CDH22: variants seen among roughly 807,000 people sequenced by gnomAD.
CDH22 encodes cadherin-22.
CDH22 carries 30 observed loss-of-function variants against 58.4 expected under a neutral mutation model. That is an observed-to-expected ratio of 0.51 (90% CI 0.38 to 0.70). CDH22 has a LOEUF of 0.70. Among genes scored for constraint, CDH22 ranks in the 30% least tolerant of loss-of-function variants. CDH22 has a pLI of 0.00. For synonymous variants in CDH22, 513 were observed against 558.2 expected (o/e 0.92, Z 1.14); for missense variants, 1,014 against 1,233.9 (o/e 0.82, Z 2.67).
At chr20:46,236,649 A>C (rs971763791) in intron 3 of CDH22, among the ~76,000 whole-genome samples, 2 of 135,824 alleles carry the variant, frequency 1.5e-5, no homozygotes, top group African/African-American at 5.5e-5. Context: ...TTATATATTA[A>C]TATCTATCTA....
Position 46,278,190 on chromosome 20 carries a change from C to T in CDH22, c.-399-26497G>A, listed in dbSNP as rs117421334. On this transcript the variant is annotated intron_variant, in intron 1 of 11. Transcript: ENST00000537909. ...TAGGCACTCCCTCTGGGGGACCACC[C>T]TCCAGTTCTACACTTCTGGGGGCAG... Among the ~76,000 whole-genome samples the T allele has an allele frequency of 8.5e-3, 1,283 of 150,598 alleles. 18 individuals carry two copies. Among genetic ancestry groups the T allele is most frequent in the Admixed American group, 0.025 (377 of 15,216 alleles).
intron 1 of CDH22, among the ~76,000 whole-genome samples, chr20:46,281,180 G>A (rs1208099387): frequency 6.6e-6 from 1 of 152,194 alleles, no homozygotes; most frequent in Admixed American, 6.5e-5. Flanking sequence ...ACTTCTGAAA[G>A]AACATGTTGT....
chr20:46,217,257 G>A (rs2086092918), intron 4 of CDH22, among the ~76,000 whole-genome samples: 2 of 151,912 alleles, frequency 1.3e-5, no homozygotes, highest in African/African-American at 2.4e-5. Context: ...CGGTCACACA[G>A]ATAGACTCAC....
intron 4 of CDH22, among the ~76,000 whole-genome samples, chr20:46,223,666 C>T (rs145928240): frequency 0.011 from 1,250 of 115,570 alleles, 27 homozygotes; most frequent in Admixed American, 0.023. Flanking sequence ...TTTTTCTTTC[C>T]TTCTTTCTTT....
intron 10 of CDH22, among the ~76,000 whole-genome samples, chr20:46,185,084 T>G (rs921027544): frequency 3.4e-5 from 5 of 149,134 alleles, no homozygotes; most frequent in African/African-American, 1.2e-4. Flanking sequence ...AGATGCTGTC[T>G]CAAACAAACA....
intron 8 of CDH22, among the ~76,000 whole-genome samples, chr20:46,191,882 AG>A (rs2085863869): frequency 6.6e-6 from 1 of 152,000 alleles, no homozygotes; most frequent in Non-Finnish European, 1.5e-5. Context: ...CATGCCCACA[AG>A]GCCCCCCATG....
intron 8 of CDH22, among the ~76,000 whole-genome samples, chr20:46,192,866 G>A (rs2085871114): frequency 6.6e-6 from 1 of 152,078 alleles, no homozygotes; most frequent in Non-Finnish European, 1.5e-5. Context: ...GGAAGGGGGT[G>A]TCAGGGTAGA....
intron 3 of CDH22, among the ~76,000 whole-genome samples, chr20:46,239,409 C>T (rs2086274840): frequency 6.6e-6 from 1 of 152,246 alleles, no homozygotes; most frequent in Non-Finnish European, 1.5e-5. Flanking sequence ...AGTCTGCACT[C>T]ACATCCACAG....
In CDH22 at chr20:46,216,941, G is replaced by A. The variant is rs753978270; in HGVS notation, c.723C>T (p.Tyr241=). The A allele has an allele frequency of 3.7e-6, 6 of 1,608,058 alleles. No individual in the cohort carries two copies. Among genetic ancestry groups the A allele is most frequent in the Admixed American group, 3.3e-5 (2 of 59,900 alleles). ...PDLDRESQER[Y]EVVIQATDMA... ...TGTCTGTGGCCTGGATCACCACCTCGTAGCGCTCCTGGCTCTCGCGGTCAA... is the reference window on the plus strand; with the variant it reads ...TGTCTGTGGCCTGGATCACCACCTCATAGCGCTCCTGGCTCTCGCGGTCAA... Residue 241 remains tyrosine (Y), a synonymous_variant, in exon 5 of 12, where the codon TAC becomes TAT. Coordinates refer to ENST00000537909, the MANE Select transcript of CDH22 (RefSeq NM_021248.3). This position sits in a 1 kb window ranked among gnomAD's most constrained non-coding sequence, Gnocchi z 5.3.
At chr20:46,189,947 AT>A (rs60240148) in intron 8 of CDH22, among the ~76,000 whole-genome samples, 10,154 of 142,296 alleles carry the variant, frequency 0.071, 592 homozygotes, top group African/African-American at 0.17. Flanking sequence ...TTGGTCAGTG[AT>A]TTTTTTTTTT....
In CDH22 at chr20:46,174,741, A is replaced by T. The variant is rs778166774; in HGVS notation, c.2252T>A (p.Ile751Asn). 2 of 1,552,864 alleles carry T rather than the reference A, an allele frequency of 1.3e-6. No homozygotes were observed. The highest frequency in any genetic ancestry group is 1.2e-5 in the South Asian group (1 of 84,782). Residue 751 changes from isoleucine (I) to asparagine (N), a missense_variant, in exon 12 of 12, where the codon ATC becomes AAC. Physicochemically the swap from Ile to Asn is moderately radical, Grantham distance 149. Around this residue, in one of 2 missense-constraint regions of CDH22, gnomAD observed 208 missense variants for 195.2 expected, o/e 1.07. Transcript: ENST00000537909. The surrounding 1 kb of genome is among the most constrained non-coding windows in gnomAD (Gnocchi z 4.4). Reference sequence around the variant, plus strand: ...GTCCGCCAGTGCCACCTTGCGGCTGATGAAGTCCCTGAACACTGAGAAGTC... The same window carrying T: ...GTCCGCCAGTGCCACCTTGCGGCTGTTGAAGTCCCTGAACACTGAGAAGTC... Reference protein sequence around the residue: ...EPDFSVFRDFISRKVALADGD... With the variant: ...EPDFSVFRDFNSRKVALADGD...
At chr20:46,292,654 C>A (rs1002341366) in intron 1 of CDH22, among the ~76,000 whole-genome samples, 3 of 152,166 alleles carry the variant, frequency 2.0e-5, no homozygotes, top group Non-Finnish European at 4.4e-5. Context: ...TCTCCTCAAT[C>A]TGCCATTCAC....
At chr20:46,233,919 C>T (rs1044479720) in intron 3 of CDH22, among the ~76,000 whole-genome samples, 2 of 152,224 alleles carry the variant, frequency 1.3e-5, no homozygotes, top group Non-Finnish European at 2.9e-5. Flanking sequence ...TCTGCAGAGA[C>T]CAGCGATTGA....
chr20:46,246,217 G>A (rs1052630192), intron 2 of CDH22, among the ~76,000 whole-genome samples: 11 of 152,166 alleles, frequency 7.2e-5, no homozygotes, highest in South Asian at 6.2e-4. Flanking sequence ...GGATTTAAAC[G>A]GAAAGCAAAT....
At chr20:46,186,532 A>T (rs1007521615) in intron 10 of CDH22, 56 bp downstream of exon 10, 1 of 1,256,734 alleles carries the variant, frequency 8.0e-7, no homozygotes, top group African/African-American at 1.5e-5. Context: ...TAATATGGGA[A>T]CAGGGCAGGG....
At chr20:46,265,268 G>A (rs2425813) in intron 1 of CDH22, among the ~76,000 whole-genome samples, 53,811 of 151,896 alleles carry the variant, frequency 0.35, 10,684 homozygotes, top group Middle Eastern at 0.54. Flanking sequence ...GTCCCAGGAG[G>A]CCCTTCTCCC....
chr20:46,253,440 G>A (rs554188792), intron 1 of CDH22, among the ~76,000 whole-genome samples: 3 of 152,176 alleles, frequency 2.0e-5, no homozygotes, highest in Non-Finnish European at 2.9e-5. Flanking sequence ...TCTGGAACAC[G>A]CTGTTCCCTC....
intron 1 of CDH22, among the ~76,000 whole-genome samples, chr20:46,280,918 C>A (rs2086548204): frequency 6.6e-6 from 1 of 152,208 alleles, no homozygotes; most frequent in Non-Finnish European, 1.5e-5. Context: ...GTGTGAGCCA[C>A]AGTGTCCAAC....
rs1166450920 is a variant in CDH22 at position 46,213,085 on chromosome 20, G to A, written c.942C>T (p.Tyr314=). The change falls in exon 6 of 12, where the codon TAC becomes TAT. Residue 314 remains tyrosine (Y), a synonymous_variant. Coordinates refer to ENST00000537909, the MANE Select transcript of CDH22 (RefSeq NM_021248.3). The part of the protein sequence containing the change: ...SDVGENTDMT[Y]HLKDESSSGG... Reference sequence around the variant, plus strand: ...CGCTGCTGCTCTCGTCCTTAAGGTGGTAAGTCATGTCTGTGTTCTCTCCCA... The same window carrying A: ...CGCTGCTGCTCTCGTCCTTAAGGTGATAAGTCATGTCTGTGTTCTCTCCCA... 1 of 1,614,180 alleles carries A rather than the reference G, an allele frequency of 6.2e-7. No homozygotes were observed. Among genetic ancestry groups the A allele is most frequent in the South Asian group, 1.1e-5 (1 of 91,080 alleles).
Sources: gnomAD v4.1 joint callset for allele counts (sites outside exome capture counted in the v4.1 genomes callset) on GRCh38, gnomAD v4.1.1 for gene constraint, gnomAD v4.1.1 regional missense constraint, Gnocchi (gnomAD v3.1) non-coding constraint, MANE v1.5 for transcripts, NCBI Gene and HGNC (gene_info 2026-07-23, HGNC 2026-07-21) for gene names.